TBC1D22A: variants seen among roughly 807,000 people sequenced by gnomAD.
The protein encoded by TBC1D22A is putative GTPase activator.
A neutral mutation model predicts 60.2 loss-of-function variants in TBC1D22A; 38 were observed. The ratio of observed to expected loss-of-function variants is 0.63; its 90% CI spans 0.49 to 0.83. The LOEUF (loss-of-function observed/expected upper bound fraction) is 0.83, where lower values mean the gene tolerates loss of function less well. Ranked by LOEUF, TBC1D22A falls within the 40% of genes least tolerant of loss-of-function variation. The probability of loss-of-function intolerance (pLI) is 0.00; values close to 1 mark genes in which losing one functional copy is unlikely to be tolerated. For missense variants in TBC1D22A, 628 were observed against 701.0 expected (o/e 0.90, Z 1.18); for synonymous variants, 302 against 281.7 (o/e 1.07, Z -0.72).
chr22:46,975,289 C>T (rs191109630), intron 9 of TBC1D22A, among the ~76,000 whole-genome samples: 92 of 152,194 alleles, frequency 6.0e-4, no homozygotes, highest in Non-Finnish European at 1.1e-3. Context: ...GTGAGTATGG[C>T]ATGAGGGGAC....
intron 12 of TBC1D22A, among the ~76,000 whole-genome samples, chr22:47,135,875 C>T (rs1447326796): frequency 6.6e-6 from 1 of 151,410 alleles, no homozygotes; most frequent in Non-Finnish European, 1.5e-5. Flanking sequence ...CTGTGGAGTG[C>T]TGTGTTCATT....
rs2063673043 is a variant in TBC1D22A, at chr22:47,063,978, C to T, written c.1329+26780C>T. 8.0e-5 allele frequency among the ~76,000 whole-genome samples: 4 copies of T among 50,044 alleles called. No homozygotes were observed. In the South Asian group the frequency reaches 2.9e-3, roughly 36 times the overall value. The allele number at this position is 50,044 out of a possible 152,430, so 32.8% of individuals were successfully genotyped here. A position where few individuals can be genotyped will look rare whatever the true frequency, so the allele number is the denominator to read the frequency against. ...CTCCTCTGAACTGCATCTTCAGGTG[C>T]CCTGTTTTCCTCTTCTGTGAGGACA... On this transcript the variant is annotated intron_variant, in intron 11 of 12. Transcript: ENST00000337137.
intron 12 of TBC1D22A, among the ~76,000 whole-genome samples, chr22:47,150,028 C>G (rs2067440884): frequency 1.3e-5 from 2 of 152,108 alleles, no homozygotes; most frequent in Admixed American, 1.3e-4. Flanking sequence ...GCACCAGGAG[C>G]AGATGGGCCA....
chr22:46,925,117 A>G (rs528334362), intron 8 of TBC1D22A, among the ~76,000 whole-genome samples: 1 of 152,326 alleles, frequency 6.6e-6, no homozygotes, highest in African/African-American at 2.4e-5. Flanking sequence ...TTAGCTTTCC[A>G]TTGTTAGCAT....
At chr22:46,836,345 G>C (rs1207081652) in intron 4 of TBC1D22A, among the ~76,000 whole-genome samples, 4 of 152,176 alleles carry the variant, frequency 2.6e-5, no homozygotes, top group Non-Finnish European at 5.9e-5. Flanking sequence ...TTGTAAGAGA[G>C]AGAACTAAAA....
At chr22:46,948,560 C>G (rs1276588960) in intron 8 of TBC1D22A, among the ~76,000 whole-genome samples, 2 of 152,206 alleles carry the variant, frequency 1.3e-5, no homozygotes, top group Non-Finnish European at 2.9e-5. Context: ...GGTCGATAAC[C>G]CTTTGAGTCT....
chr22:46,910,680 T>C (rs758486513), intron 7 of TBC1D22A, among the ~76,000 whole-genome samples: 35 of 151,976 alleles, frequency 2.3e-4, no homozygotes, highest in Non-Finnish European at 4.0e-4. Context: ...AGTGGTTGGC[T>C]CTTCCAAAAA....
chr22:47,087,847 G>C (rs911319276), intron 11 of TBC1D22A, among the ~76,000 whole-genome samples: 1 of 151,610 alleles, frequency 6.6e-6, no homozygotes, highest in Non-Finnish European at 1.5e-5. Context: ...AGGCTGAGGC[G>C]GGCGGATCAC....
At chr22:46,820,776 A>G (rs1489592877) in intron 4 of TBC1D22A, among the ~76,000 whole-genome samples, 1 of 152,160 alleles carries the variant, frequency 6.6e-6, no homozygotes, top group East Asian at 1.9e-4. Context: ...TCAAGTCCTG[A>G]ATGTCCTTGT....
intron 11 of TBC1D22A, among the ~76,000 whole-genome samples, chr22:47,094,492 C>G (rs1376938708): frequency 6.6e-6 from 1 of 152,214 alleles, no homozygotes; most frequent in Admixed American, 6.5e-5. Context: ...CCCTGAGTCT[C>G]TAGCCTGCCT....
At chr22:47,057,708 A>C (rs1009721590) in intron 11 of TBC1D22A, among the ~76,000 whole-genome samples, 2 of 152,172 alleles carry the variant, frequency 1.3e-5, no homozygotes, top group African/African-American at 4.8e-5. Flanking sequence ...AGATCTCATG[A>C]GACTTACTCA....
chr22:47,032,505 C>A (rs867070726), intron 10 of TBC1D22A, among the ~76,000 whole-genome samples: 1 of 131,126 alleles, frequency 7.6e-6, no homozygotes, highest in East Asian at 2.2e-4. Context: ...AGGGAGTGGC[C>A]GCGAACACAC....
chr22:46,952,145 T>C (rs955248061), intron 8 of TBC1D22A, among the ~76,000 whole-genome samples: 2 of 152,058 alleles, frequency 1.3e-5, no homozygotes, highest in African/African-American at 4.8e-5. Context: ...GCCCTGTGGG[T>C]GGTTGACACT....
chr22:46,812,183 A>G (rs1689978579), intron 4 of TBC1D22A, among the ~76,000 whole-genome samples: 1 of 152,126 alleles, frequency 6.6e-6, no homozygotes, highest in South Asian at 2.1e-4. Context: ...TTTGAAATTC[A>G]GCAGCAGGTG....
At chr22:47,147,499 G>A (rs933705656) in intron 12 of TBC1D22A, among the ~76,000 whole-genome samples, 1 of 152,182 alleles carries the variant, frequency 6.6e-6, no homozygotes, top group South Asian at 2.1e-4. Flanking sequence ...ACACACACAC[G>A]TTCTGCACCC....
intron 10 of TBC1D22A, among the ~76,000 whole-genome samples, chr22:47,024,862 A>G (rs947143982): frequency 1.3e-5 from 2 of 152,198 alleles, no homozygotes; most frequent in African/African-American, 2.4e-5. Flanking sequence ...TCTCAAAAGA[A>G]AAAAAAGAGA....
chr22:47,118,800 C>A (rs187384428), intron 12 of TBC1D22A, among the ~76,000 whole-genome samples: 1,856 of 125,806 alleles, frequency 0.015, 39 homozygotes, highest in African/African-American at 0.055. Flanking sequence ...TACACACACA[C>A]ACACACACAC....
chr22:46,996,469 G>A (rs556389488), intron 9 of TBC1D22A, among the ~76,000 whole-genome samples: 2 of 152,354 alleles, frequency 1.3e-5, no homozygotes, highest in African/African-American at 4.8e-5. Flanking sequence ...CTTTCTCCAC[G>A]GGTGGTTCAT....
At chr22:47,012,107 C>T (rs560845995) in intron 10 of TBC1D22A, among the ~76,000 whole-genome samples, 152 of 152,152 alleles carry the variant, frequency 1.0e-3, no homozygotes, top group African/African-American at 3.5e-3. Context: ...AATCGACCAT[C>T]GTGCTGGGAG....
Sources: allele counts gnomAD v4.1 joint callset (sites outside exome capture counted in the v4.1 genomes callset), GRCh38; gene constraint gnomAD v4.1.1; transcripts MANE v1.5; gene names NCBI Gene and HGNC (gene_info 2026-07-23, HGNC 2026-07-21).